The following PRKCZ variants were observed in gnomAD, a reference collection of about 807,000 sequenced individuals.
PRKCZ encodes protein kinase C zeta, also known as protein kinase C zeta type.
In PRKCZ, 33 loss-of-function variants were observed where a neutral mutation model predicts 79.5. The ratio of observed to expected loss-of-function variants is 0.41; its 90% confidence interval spans 0.31 to 0.55. PRKCZ has a LOEUF of 0.55. Among genes scored for constraint, PRKCZ ranks in the 20% least tolerant of loss-of-function variants. The pLI is 0.19. For missense variants in PRKCZ, 578 were observed against 813.5 expected, an observed-to-expected ratio of 0.71 and a Z score of 3.52; for synonymous variants, 342 against 320.9, an observed-to-expected ratio of 1.07 and a Z score of -0.70.
In PRKCZ at chr1:2,094,705, C is replaced by T. The variant is rs1473517958; in HGVS notation, c.334+35114C>T. Among the ~76,000 whole-genome samples the T allele has an allele frequency of 1.3e-5, 2 of 150,086 alleles. No homozygotes were observed. The highest frequency in any genetic ancestry group is 2.1e-4 in the South Asian group (1 of 4,688). On this transcript the variant is annotated intron_variant, in intron 4 of 17. Transcript: ENST00000378567. This position sits in a 1 kb window ranked among gnomAD's most constrained non-coding sequence, Gnocchi z 7.3. ...TCTGAGGCGCCCGCTGTGCCCGGCT[C>T]GTTGAACCTTGGGCGCTGCCCGTTC...
chr1:2,056,578 G>A lies in PRKCZ; in HGVS notation c.283+5G>A, dbSNP rs766741825. 1 of 1,612,776 alleles carries A rather than the reference G, an allele frequency of 6.2e-7. No homozygotes were observed. On this transcript the variant is annotated splice_donor_5th_base_variant and intron_variant, in intron 3 of 17. Coordinates refer to ENST00000378567, the MANE Select transcript of PRKCZ (RefSeq NM_002744.6). Reference sequence around the variant, plus strand: ...ATGAAGGCCTCATCATTCATGGTTAGTGGCGGGGTCTGTGGTGGGCAGCTC... The same window carrying A: ...ATGAAGGCCTCATCATTCATGGTTAATGGCGGGGTCTGTGGTGGGCAGCTC...
intron 10 of PRKCZ, among the ~76,000 whole-genome samples, chr1:2,163,570 T>G (rs1682731327): frequency 6.6e-6 from 1 of 152,194 alleles, no homozygotes; most frequent in African/African-American, 2.4e-5. Context: ...TAAGGGACTT[T>G]CCACCCATTT....
At chr1:2,058,556 T>C (rs879817157) in intron 3 of PRKCZ, among the ~76,000 whole-genome samples, 2 of 151,490 alleles carry the variant, frequency 1.3e-5, no homozygotes, top group African/African-American at 4.9e-5. Context: ...TGCCTCTCTA[T>C]GTGGAAAGAT....
In PRKCZ at chr1:2,175,081, A is replaced by G. The variant is rs112430044; in HGVS notation, c.1486-143A>G. ...TTAACGTACGGGGAAGGAACTTTCA[A>G]TAAAGGAAACATCTGATTTCCACCA... On this transcript the variant is annotated intron_variant, in intron 15 of 17. Coordinates refer to ENST00000378567, the MANE Select transcript of PRKCZ (RefSeq NM_002744.6). The G allele has an allele frequency of 1.3e-3, 989 of 769,338 alleles. 8 individuals are homozygous for G. Among genetic ancestry groups the G allele is most frequent in the Middle Eastern group, 7.0e-3 (25 of 3,558 alleles). The allele number at this position is 769,338 out of a possible 1,614,324, so 47.7% of individuals were successfully genotyped here.
rs545267569 is a variant in PRKCZ at position 2,056,346 on chromosome 1, C to T, written c.194-138C>T. The T allele has an allele frequency of 6.7e-6, 5 of 751,426 alleles. No individual in the cohort carries two copies. In the East Asian group the frequency reaches 8.8e-5, roughly 13 times the overall value. 46.5% of individuals were successfully genotyped at this position (751,426 alleles called of 1,614,324 possible). ...GACGGCCGTCCTTGGACCTCCCGAC[C>T]CTGCCAGGAGGTGGCCAGTCTGAGC... is the stretch of plus-strand genomic sequence containing the variant. On this transcript the variant is annotated intron_variant, in intron 2 of 17. Coordinates refer to ENST00000378567, the MANE Select transcript of PRKCZ (RefSeq NM_002744.6).
At chr1:2,079,053 A>G (rs986389486) in intron 4 of PRKCZ, among the ~76,000 whole-genome samples, 1 of 152,272 alleles carries the variant, frequency 6.6e-6, no homozygotes, top group African/African-American at 2.4e-5. Context: ...CGTGTTAGCC[A>G]GGATGGTCTC....
chr1:2,123,445 G>A (rs1557623359), intron 4 of PRKCZ, among the ~76,000 whole-genome samples: 1 of 13,814 alleles, frequency 7.2e-5, no homozygotes, highest in Admixed American at 1.0e-3. Flanking sequence ...GGGTCGTGGC[G>A]GTGGTTAGGG....
intron 4 of PRKCZ, among the ~76,000 whole-genome samples, chr1:2,090,009 C>T (rs950768655): frequency 3.9e-5 from 6 of 152,194 alleles, no homozygotes; most frequent in Non-Finnish European, 8.8e-5. Context: ...CAGGCCTGTC[C>T]CCTTGGCTGG....
chr1:2,125,029 C>G lies in PRKCZ; in HGVS notation c.335-10233C>G, dbSNP rs1255119705. On this transcript the variant is annotated intron_variant, in intron 4 of 17. Coordinates refer to ENST00000378567, the MANE Select transcript of PRKCZ (RefSeq NM_002744.6). The surrounding 1 kb of genome is among the most constrained non-coding windows in gnomAD (Gnocchi z 4.2). The stretch of plus-strand genomic sequence containing the variant: ...ACTCAGCCGCACGTCCTCCCAGGGG[C>G]CTTGCCAGCCTGGCTCTGTGCCGGG... Among the ~76,000 whole-genome samples the G allele has an allele frequency of 6.6e-6, 1 of 152,226 alleles. No individual in the cohort carries two copies. Among genetic ancestry groups the G allele is most frequent in the Admixed American group, 6.5e-5 (1 of 15,288 alleles).
intron 4 of PRKCZ, among the ~76,000 whole-genome samples, chr1:2,109,494 A>T (rs538616283): frequency 4.2e-4 from 64 of 152,322 alleles, no homozygotes; most frequent in African/African-American, 1.5e-3. Context: ...AATATTAAAC[A>T]TGTGGATTGC....
chr1:2,054,836 C>T (rs953409534), intron 1 of PRKCZ, among the ~76,000 whole-genome samples: 16 of 152,186 alleles, frequency 1.1e-4, no homozygotes, highest in Non-Finnish European at 1.6e-4. Context: ...GTAACGTTGC[C>T]GGACCTCCCA....
intron 16 of PRKCZ, among the ~76,000 whole-genome samples, chr1:2,175,971 C>T (rs1007275367): frequency 2.0e-5 from 3 of 152,150 alleles, no homozygotes; most frequent in Non-Finnish European, 2.9e-5. Flanking sequence ...GTTTCATGGC[C>T]GGTTTTATCA....
rs142563698 is a variant in PRKCZ, at chr1:2,157,989, C to T, written c.974+1897C>T. Among the ~76,000 whole-genome samples the T allele has an allele frequency of 5.2e-3, 785 of 152,354 alleles. 5 individuals carry two copies. The highest frequency in any genetic ancestry group is 0.025 in the South Asian group (122 of 4,832). ...CAACCCTCTGCTGCTCGGTTCTTAG[C>T]TGTACATCTGGCGACTTGCTCTCCT... On this transcript the variant is annotated intron_variant, in intron 10 of 17. Coordinates refer to ENST00000378567, the MANE Select transcript of PRKCZ (RefSeq NM_002744.6).
rs1008107061 is a variant in PRKCZ at position 2,174,591 on chromosome 1, C to G, written c.1406-163C>G. On this transcript the variant is annotated intron_variant, in intron 14 of 17. Coordinates refer to ENST00000378567, the MANE Select transcript of PRKCZ (RefSeq NM_002744.6). The surrounding 1 kb of genome is among the most constrained non-coding windows in gnomAD (Gnocchi z 6.2). ...GTAACCAGGAGGCCCAGGGAGGACC[C>G]GGCGGGACTCCGGGTTATAGATATT... 6.6e-6 allele frequency among the ~76,000 whole-genome samples: 1 copy of G among 152,236 alleles called. No homozygotes were observed. The highest frequency in any genetic ancestry group is 2.4e-5 in the African/African-American group (1 of 41,472).
intron 3 of PRKCZ, among the ~76,000 whole-genome samples, chr1:2,058,690 G>A (rs758607694): frequency 4.6e-5 from 7 of 152,010 alleles, no homozygotes; most frequent in Non-Finnish European, 1.0e-4. Flanking sequence ...GAGGTCAGGA[G>A]TTCAAGACCA....
intron 4 of PRKCZ, among the ~76,000 whole-genome samples, chr1:2,086,305 C>T (rs1664513398): frequency 6.6e-6 from 1 of 152,132 alleles, no homozygotes. Flanking sequence ...AAGCGATCCT[C>T]TTGCCTCAGC....
chr1:2,068,879 T>C (rs1215131129), intron 4 of PRKCZ, among the ~76,000 whole-genome samples: 1 of 152,166 alleles, frequency 6.6e-6, no homozygotes, highest in Non-Finnish European at 1.5e-5. Flanking sequence ...TGTAGGTTCT[T>C]CTGGCTGGGA....
chr1:2,152,618 C>CT (rs1411955382), intron 9 of PRKCZ, among the ~76,000 whole-genome samples: 2 of 152,232 alleles, frequency 1.3e-5, no homozygotes, highest in Non-Finnish European at 2.9e-5. Flanking sequence ...TATCACCTCT[C>CT]TGATTCCAGA....
At chr1:2,181,806 G>A in intron 16 of PRKCZ, 1 of 455,496 alleles carries the variant, frequency 2.2e-6, no homozygotes, top group Non-Finnish European at 4.4e-6. Flanking sequence ...TTTAGGAAAT[G>A]CCCCTTTTTC....
Sources: gnomAD v4.1 joint callset for allele counts (sites outside exome capture counted in the v4.1 genomes callset) on GRCh38, gnomAD v4.1.1 for gene constraint, Gnocchi (gnomAD v3.1) non-coding constraint, MANE v1.5 for transcripts, NCBI Gene and HGNC (gene_info 2026-07-23, HGNC 2026-07-21) for gene names.